The following PRKD1 variants were observed in gnomAD, a reference collection of about 807,000 sequenced individuals.
PRKD1 encodes protein kinase D1.
Under a neutral mutation model 95.9 loss-of-function variants are expected in PRKD1, and 63 were observed. That is an observed-to-expected ratio of 0.66 (90% confidence interval 0.54 to 0.81). PRKD1 has a LOEUF of 0.81. Ranked by LOEUF, PRKD1 falls within the 30% of genes least tolerant of loss-of-function variation. PRKD1 has a pLI of 0.00. For missense variants in PRKD1, 1,048 were observed against 1,165.3 expected (o/e 0.90, Z 1.47); for synonymous variants, 425 against 423.1 (o/e 1.00, Z -0.05).
chr14:29,776,130 C>T (rs996693591), intron 1 of PRKD1, among the ~76,000 whole-genome samples: 1 of 152,100 alleles, frequency 6.6e-6, no homozygotes, highest in Non-Finnish European at 1.5e-5. Context: ...ACATCCACAC[C>T]AAAACCCCAT....
At chr14:29,592,982 G>GA (rs2138992937) in intron 16 of PRKD1, among the ~76,000 whole-genome samples, 1 of 152,236 alleles carries the variant, frequency 6.6e-6, no homozygotes, top group East Asian at 1.9e-4. Flanking sequence ...TCCTGGATAA[G>GA]AGCATCTGCC....
Position 29,638,717 on chromosome 14 carries a change from A to T in PRKD1, c.884T>A (p.Phe295Tyr). 3 of 1,614,158 alleles carry T rather than the reference A, an allele frequency of 1.9e-6. No individual in the cohort carries two copies. The highest frequency in any genetic ancestry group is 2.5e-6 in the Non-Finnish European group (3 of 1,180,026). The change falls in exon 5 of 18, where the codon TTC becomes TAC. Residue 295 changes from phenylalanine to tyrosine, a missense_variant. Around this residue, in one of 3 missense-constraint regions of PRKD1, gnomAD observed 739 missense variants for 861.9 expected, o/e 0.86. Coordinates refer to ENST00000331968, the MANE Select transcript of PRKD1 (RefSeq NM_002742.3). ...ACCTTTGCACTGCAAGCCCTGCCTG[A>T]AAAGCCCCTTCAGAAGCTTCTTGCA... is the stretch of plus-strand genomic sequence containing the variant. ...QYCKKLLKGL[F>Y]RQGLQCKDCR...
At chr14:29,803,304 T>C (rs1357605267) in intron 1 of PRKD1, among the ~76,000 whole-genome samples, 4 of 152,232 alleles carry the variant, frequency 2.6e-5, no homozygotes, top group Admixed American at 2.6e-4. Flanking sequence ...ACAAGGTTCA[T>C]ACTTAGGAAG....
chr14:29,665,160 G>A (rs1360321290), intron 3 of PRKD1, among the ~76,000 whole-genome samples: 1 of 152,136 alleles, frequency 6.6e-6, no homozygotes, highest in Non-Finnish European at 1.5e-5. Context: ...GATACTTCGG[G>A]GAGATACTGC....
At chr14:29,691,608 G>T (rs981839884) in intron 2 of PRKD1, among the ~76,000 whole-genome samples, 2 of 152,094 alleles carry the variant, frequency 1.3e-5, no homozygotes, top group African/African-American at 4.8e-5. Flanking sequence ...ACAATTATTA[G>T]GTTGGTGCAA....
intron 2 of PRKD1, among the ~76,000 whole-genome samples, chr14:29,687,094 G>C (rs1336338019): frequency 6.6e-6 from 1 of 151,872 alleles, no homozygotes. Flanking sequence ...TTAAGGTCTG[G>C]TGTCTGGTAT....
chr14:29,612,128 G>A (rs566239831), intron 13 of PRKD1, among the ~76,000 whole-genome samples: 1 of 152,260 alleles, frequency 6.6e-6, no homozygotes, highest in South Asian at 2.1e-4. Context: ...AGGGTCTACT[G>A]GACAAGGTTA....
At chr14:29,685,400 A>C (rs1883798582) in intron 2 of PRKD1, among the ~76,000 whole-genome samples, 1 of 152,200 alleles carries the variant, frequency 6.6e-6, no homozygotes, top group Non-Finnish European at 1.5e-5. Flanking sequence ...TTCTGATAAA[A>C]GGGATAGAAT....
chr14:29,800,251 C>G (rs186841719), intron 1 of PRKD1, among the ~76,000 whole-genome samples: 2 of 152,260 alleles, frequency 1.3e-5, no homozygotes, highest in Admixed American at 1.3e-4. Flanking sequence ...CAGAACAGAA[C>G]TTCCACAAAT....
chr14:29,586,418 T>C (rs1378470698), intron 16 of PRKD1, among the ~76,000 whole-genome samples: 2 of 152,200 alleles, frequency 1.3e-5, no homozygotes, highest in Non-Finnish European at 2.9e-5. Flanking sequence ...CTATGTCCTC[T>C]ATTTAGGTCC....
intron 1 of PRKD1, among the ~76,000 whole-genome samples, chr14:29,873,244 C>T (rs1167007648): frequency 6.6e-6 from 1 of 152,112 alleles, no homozygotes; most frequent in Non-Finnish European, 1.5e-5. Flanking sequence ...CGCCAACACA[C>T]CTGGCTAAGT....
intron 1 of PRKD1, among the ~76,000 whole-genome samples, chr14:29,854,290 T>C (rs572180112): frequency 9.9e-5 from 15 of 152,274 alleles, no homozygotes; most frequent in Admixed American, 4.6e-4. Context: ...AAAAGCCTGA[T>C]AGTGATATGG....
intron 1 of PRKD1, among the ~76,000 whole-genome samples, chr14:29,890,527 A>G (rs1348740441): frequency 1.3e-5 from 2 of 152,242 alleles, no homozygotes; most frequent in Non-Finnish European, 2.9e-5. Flanking sequence ...ATACATAGAT[A>G]GACGGAACTC....
chr14:29,612,292 T>C (rs1449692134), intron 13 of PRKD1, among the ~76,000 whole-genome samples: 1 of 152,198 alleles, frequency 6.6e-6, no homozygotes, highest in Non-Finnish European at 1.5e-5. Context: ...AAAGGCTATG[T>C]TTACTTCTAA....
intron 4 of PRKD1, among the ~76,000 whole-genome samples, chr14:29,660,644 T>C (rs1460139931): frequency 6.6e-6 from 1 of 152,232 alleles, no homozygotes; most frequent in Non-Finnish European, 1.5e-5. Context: ...TAATAACTTT[T>C]TGCCTAAGAC....
chr14:29,820,938 G>A (rs1167475508), intron 1 of PRKD1, among the ~76,000 whole-genome samples: 1 of 152,188 alleles, frequency 6.6e-6, no homozygotes, highest in African/African-American at 2.4e-5. Context: ...AGGATGAGAT[G>A]TAATGGGGGA....
intron 1 of PRKD1, among the ~76,000 whole-genome samples, chr14:29,776,406 AC>A (rs1888756928): frequency 6.6e-6 from 1 of 152,196 alleles, no homozygotes; most frequent in African/African-American, 2.4e-5. Context: ...AAAAAAGATT[AC>A]ACGAATGGCT....
intron 2 of PRKD1, among the ~76,000 whole-genome samples, chr14:29,681,949 T>C (rs541569322): frequency 6.6e-6 from 1 of 152,332 alleles, no homozygotes; most frequent in Admixed American, 6.5e-5. Flanking sequence ...AGTTAAGCTT[T>C]CAAAATTGCT....
intron 4 of PRKD1, among the ~76,000 whole-genome samples, chr14:29,661,386 A>G (rs1310237178): frequency 6.6e-6 from 1 of 152,200 alleles, no homozygotes; most frequent in Non-Finnish European, 1.5e-5. Context: ...TATTATTGCT[A>G]TAATATCACC....
Sources: allele counts gnomAD v4.1 joint callset (sites outside exome capture counted in the v4.1 genomes callset), GRCh38; gene constraint gnomAD v4.1.1; regional missense constraint gnomAD v4.1.1; transcripts MANE v1.5; gene names NCBI Gene and HGNC (gene_info 2026-07-23, HGNC 2026-07-21).